SH3D19: variants seen among roughly 807,000 people sequenced by gnomAD.
SH3D19 encodes SH3 domain-containing protein 19.
In SH3D19, 58 loss-of-function variants were observed where a neutral mutation model predicts 112.1. That is an observed-to-expected ratio of 0.52 (90% confidence interval 0.42 to 0.64). SH3D19 has a LOEUF of 0.64. Ranked by LOEUF, SH3D19 falls within the 30% of genes least tolerant of loss-of-function variation. The pLI, the probability that SH3D19 is intolerant of heterozygous loss-of-function variation, is 0.00. For synonymous variants in SH3D19, 391 were observed against 448.5 expected, an observed-to-expected ratio of 0.87 and a Z score of 1.62; for missense variants, 1,090 against 1,263.4, an observed-to-expected ratio of 0.86 and a Z score of 2.08.
At chr4:151,155,821 A>G (rs1242025819) in intron 9 of SH3D19, among the ~76,000 whole-genome samples, 1 of 152,142 alleles carries the variant, frequency 6.6e-6, no homozygotes, top group East Asian at 1.9e-4. Context: ...CCCAGGAGGT[A>G]GAGGTTGCAG....
chr4:151,298,872 T>A (rs1728050827), intron 1 of SH3D19, among the ~76,000 whole-genome samples: 1 of 152,148 alleles, frequency 6.6e-6, no homozygotes, highest in African/African-American at 2.4e-5. Flanking sequence ...TCATTTCACT[T>A]CAAAAAACTT....
chr4:151,123,891 T>A (rs1294682099), intron 19 of SH3D19, among the ~76,000 whole-genome samples: 1 of 152,166 alleles, frequency 6.6e-6, no homozygotes, highest in African/African-American at 2.4e-5. Flanking sequence ...ATGGCTTGAT[T>A]TAAGGCTTTT....
intron 1 of SH3D19, among the ~76,000 whole-genome samples, chr4:151,316,097 G>A (rs1729958915): frequency 6.6e-6 from 1 of 152,208 alleles, no homozygotes; most frequent in South Asian, 2.1e-4. Flanking sequence ...ATCAAGGTCA[G>A]TAGAAAAGTC....
At chr4:151,278,443 C>T (rs1183962837) in intron 1 of SH3D19, among the ~76,000 whole-genome samples, 1 of 149,458 alleles carries the variant, frequency 6.7e-6, no homozygotes, top group Non-Finnish European at 1.5e-5. Context: ...GTGTTTGTGG[C>T]CCAAAAGAAG....
At chr4:151,180,454 T>C (rs1760697344) in intron 3 of SH3D19, among the ~76,000 whole-genome samples, 1 of 145,878 alleles carries the variant, frequency 6.9e-6, no homozygotes, top group Non-Finnish European at 1.5e-5. Flanking sequence ...TCGCCCAGGC[T>C]GGAGTGCAGT....
At chr4:151,191,920 C>G (rs1480337950) in intron 2 of SH3D19, among the ~76,000 whole-genome samples, 3 of 143,734 alleles carry the variant, frequency 2.1e-5, no homozygotes, top group Non-Finnish European at 3.0e-5. Flanking sequence ...GCTGGGATTA[C>G]AGGCGTGAGC....
At chr4:151,301,589 C>G (rs1012936960) in intron 1 of SH3D19, among the ~76,000 whole-genome samples, 2 of 152,124 alleles carry the variant, frequency 1.3e-5, no homozygotes, top group African/African-American at 4.8e-5. Flanking sequence ...CTTGCTCTCG[C>G]CATGTGAAGA....
intron 1 of SH3D19, among the ~76,000 whole-genome samples, chr4:151,232,611 T>A (rs565368540): frequency 1.1e-4 from 17 of 152,318 alleles, no homozygotes; most frequent in Middle Eastern, 3.4e-3. Context: ...GAAAATACTA[T>A]CCTTATGGAG....
chr4:151,258,079 A>C (rs1362581111), intron 1 of SH3D19, among the ~76,000 whole-genome samples: 1 of 152,172 alleles, frequency 6.6e-6, no homozygotes, highest in East Asian at 1.9e-4. Flanking sequence ...ATAAATTATA[A>C]GTAAAAACCT....
Position 151,120,595 on chromosome 4 carries a change from T to C in SH3D19, c.*1496A>G, listed in dbSNP as rs556471831. The stretch of plus-strand genomic sequence containing the variant: ...GACAAGAATTTTCTTTATACTCTCT[T>C]CTTTACCAAAACGTATTAGAAGTCC... On this transcript the variant is annotated 3_prime_UTR_variant, in exon 20 of 20. Transcript: ENST00000604030. 5 of 152,310 alleles carry C rather than the reference T, an allele frequency of 3.3e-5. No homozygotes were observed. The highest frequency in any genetic ancestry group is 1.2e-4 in the African/African-American group (5 of 41,574). 9.4% of individuals were successfully genotyped at this position (152,310 alleles called of 1,614,324 possible). A position where few individuals can be genotyped will look rare whatever the true frequency, so the allele number is the denominator to read the frequency against.
At chr4:151,195,868 C>T (rs1763380791) in intron 2 of SH3D19, among the ~76,000 whole-genome samples, 2 of 150,604 alleles carry the variant, frequency 1.3e-5, no homozygotes, top group Admixed American at 6.6e-5. Flanking sequence ...AAACAACTGA[C>T]TCATCCAGTT....
chr4:151,183,934 T>C (rs1020227529), intron 3 of SH3D19, among the ~76,000 whole-genome samples: 1 of 152,190 alleles, frequency 6.6e-6, no homozygotes, highest in Non-Finnish European at 1.5e-5. Context: ...CACTACCACA[T>C]GTAAAATGGG....
chr4:151,142,648 T>G (rs1382696605), intron 12 of SH3D19, among the ~76,000 whole-genome samples: 2 of 152,202 alleles, frequency 1.3e-5, no homozygotes, highest in Non-Finnish European at 2.9e-5. Flanking sequence ...CTTCCACTTT[T>G]CCCATGATCT....
Position 151,206,315 on chromosome 4 carries a change from G to T in SH3D19, c.153-18852C>A, listed in dbSNP as rs545466122. On this transcript the variant is annotated intron_variant, in intron 2 of 19. Transcript: ENST00000604030. ...TCCTACATTAAAGAAGGTTTTTTTT[G>T]TGTGTGTGTGTCTGTGTGTGTTTTG... 6.2e-3 allele frequency among the ~76,000 whole-genome samples: 946 copies of T among 151,710 alleles called. 13 individuals are homozygous for T. The highest frequency in any genetic ancestry group is 6.8e-3 in the Middle Eastern group (2 of 294).
chr4:151,146,873 G>A (rs1754011670), intron 11 of SH3D19, among the ~76,000 whole-genome samples: 1 of 152,146 alleles, frequency 6.6e-6, no homozygotes, highest in African/African-American at 2.4e-5. Context: ...AAAGGTTTAG[G>A]TCATTTGATG....
chr4:151,151,953 G>A (rs1277024807), intron 9 of SH3D19, among the ~76,000 whole-genome samples: 2 of 152,154 alleles, frequency 1.3e-5, no homozygotes, highest in Admixed American at 6.5e-5. Context: ...TGTAATAAAT[G>A]CACAGCATAT....
intron 2 of SH3D19, among the ~76,000 whole-genome samples, chr4:151,207,664 T>C (rs1303992376): frequency 2.0e-5 from 3 of 152,338 alleles, no homozygotes; most frequent in African/African-American, 7.2e-5. Context: ...AGCAGGCATA[T>C]GTAACAATAG....
At chr4:151,134,243 G>A (rs1436904462) in intron 15 of SH3D19, among the ~76,000 whole-genome samples, 1 of 152,202 alleles carries the variant, frequency 6.6e-6, no homozygotes, top group Non-Finnish European at 1.5e-5. Context: ...ATCTGCTTAT[G>A]TCTGACCTAT....
Position 151,128,285 on chromosome 4 carries a change from T to A in SH3D19, c.2814A>T (p.Ser938=). 6.2e-7 allele frequency: 1 copy of A among 1,614,192 alleles called. No homozygotes were observed. The highest frequency in any genetic ancestry group is 2.2e-5 in the East Asian group (1 of 44,884). ...SFTAETSDDL[S]FKRGDRIQIL... is the part of the protein sequence containing the mutation. ...TCTGGATCCGGTCTCCCCTCTTGAA[T>A]GATAAGTCATCACTGGTCTCTGCTG... Residue 938 remains serine, a synonymous_variant, in exon 18 of 20, where the codon TCA becomes TCT. Transcript: ENST00000604030.
Sources: allele counts gnomAD v4.1 joint callset (sites outside exome capture counted in the v4.1 genomes callset), GRCh38; gene constraint gnomAD v4.1.1; transcripts MANE v1.5; gene names NCBI Gene and HGNC (gene_info 2026-07-23, HGNC 2026-07-21).